Variants in GNAI1 observed in about 807,000 individuals in gnomAD.
GNAI1 encodes the protein guanine nucleotide-binding protein G(i) subunit alpha-1.
A neutral mutation model predicts 38.9 loss-of-function variants in GNAI1; 11 were observed. The observed-to-expected ratio is 0.28, with a 90% CI of 0.18 to 0.47. GNAI1 has a LOEUF of 0.47. Among genes scored for constraint, GNAI1 ranks in the 20% least tolerant of loss-of-function variants. The pLI, the probability that GNAI1 is intolerant of heterozygous loss-of-function variation, is 0.99. For synonymous variants in GNAI1, 166 were observed against 145.1 expected (o/e 1.14, Z -1.04); for missense variants, 317 against 436.9 (o/e 0.73, Z 2.45).
At chr7:80,156,251 C>T (rs910319832) in intron 1 of GNAI1, among the ~76,000 whole-genome samples, 1 of 151,978 alleles carries the variant, frequency 6.6e-6, no homozygotes, top group African/African-American at 2.4e-5. Flanking sequence ...GTATGCTTAT[C>T]ATGTACCATT....
At chr7:80,210,513 T>C (rs1788854123) in intron 5 of GNAI1, among the ~76,000 whole-genome samples, 1 of 151,400 alleles carries the variant, frequency 6.6e-6, no homozygotes. Flanking sequence ...AAACGACATG[T>C]TTTAGTAGGA....
intron 1 of GNAI1, chr7:80,136,105 T>C (rs1478263263): frequency 1.1e-6 from 1 of 919,876 alleles, no homozygotes; most frequent in East Asian, 1.2e-4. Context: ...TTCTTAGCAC[T>C]GTTCTGTTCG....
At position 80,221,738 on chromosome 7, in the gene GNAI1, G is replaced by C. The variant is rs1367028946; in HGVS notation, c.*4245G>C. Among the ~76,000 whole-genome samples the C allele has an allele frequency of 6.9e-6, 1 of 145,468 alleles. No individual in the cohort carries two copies. The highest frequency in any genetic ancestry group is 1.5e-5 in the Non-Finnish European group (1 of 67,290). Reference sequence around the variant, plus strand: ...ACTCTCTGCAACCTCCAACTCCATGGTTCAAGCAATTGTCCTGCCTCAGCC... The same window carrying C: ...ACTCTCTGCAACCTCCAACTCCATGCTTCAAGCAATTGTCCTGCCTCAGCC... On this transcript the variant is annotated 3_prime_UTR_variant, in exon 8 of 8. Transcript: ENST00000649796.
At position 80,221,831 on chromosome 7, in the gene GNAI1, G is replaced by C. The variant is rs1468722217; in HGVS notation, c.*4338G>C. On this transcript the variant is annotated 3_prime_UTR_variant, in exon 8 of 8. Coordinates refer to ENST00000649796, the MANE Select transcript of GNAI1 (RefSeq NM_002069.6). ...CTAATTTTTGTATTTTTAGTAAAGG[G>C]GGGTTTCACCATGTTGGCCAGGATG... Among the ~76,000 whole-genome samples, 1 of 151,478 alleles carries C rather than the reference G, an allele frequency of 6.6e-6. No homozygotes were observed. Among genetic ancestry groups the C allele is most frequent in the African/African-American group, 2.4e-5 (1 of 41,248 alleles).
At position 80,223,171 on chromosome 7, in the gene GNAI1, A is replaced by C. The variant is rs367591414; in HGVS notation, c.*5678A>C. The stretch of plus-strand genomic sequence containing the variant: ...ATCATACGTTGGGGACCATCTGTAC[A>C]TAGAGTAGGACTCTTGAGAGCCTAA... On this transcript the variant is annotated 3_prime_UTR_variant, in exon 8 of 8. Transcript: ENST00000649796. Among the ~76,000 whole-genome samples the C allele has an allele frequency of 1.1e-4, 16 of 152,352 alleles. No homozygotes were observed. The East Asian group carries it at 1.5e-3, about 15-fold the overall frequency.
At chr7:80,191,778 T>G (rs1443677436) in intron 3 of GNAI1, among the ~76,000 whole-genome samples, 1 of 152,220 alleles carries the variant, frequency 6.6e-6, no homozygotes, top group Non-Finnish European at 1.5e-5. Flanking sequence ...GATACTGAAT[T>G]TTGATAGGTA....
intron 1 of GNAI1, among the ~76,000 whole-genome samples, chr7:80,161,902 T>C (rs17153506): frequency 0.012 from 1,845 of 152,300 alleles, 17 homozygotes; most frequent in East Asian, 0.046. Flanking sequence ...TAGATACTTA[T>C]ACAGTGCTTA....
intron 5 of GNAI1, among the ~76,000 whole-genome samples, chr7:80,210,117 T>A (rs79460940): frequency 8.5e-4 from 129 of 152,302 alleles, no homozygotes; most frequent in African/African-American, 2.8e-3. Flanking sequence ...CCAGTTCGCA[T>A]AGTGTTTTCA....
chr7:80,184,377 T>C (rs1467307028), intron 1 of GNAI1, among the ~76,000 whole-genome samples: 1 of 152,186 alleles, frequency 6.6e-6, no homozygotes, highest in African/African-American at 2.4e-5. Context: ...CCTTCTCCCC[T>C]GATTCTTCCC....
intron 3 of GNAI1, among the ~76,000 whole-genome samples, chr7:80,189,985 A>T (rs1788453284): frequency 6.6e-6 from 1 of 151,476 alleles, no homozygotes; most frequent in Non-Finnish European, 1.5e-5. Context: ...TAATGTATTT[A>T]TTTCTAGCAG....
At chr7:80,149,970 G>A (rs1043950750) in intron 1 of GNAI1, among the ~76,000 whole-genome samples, 2 of 152,098 alleles carry the variant, frequency 1.3e-5, no homozygotes, top group East Asian at 1.9e-4. Flanking sequence ...AACAAAGTGG[G>A]ACCAAACAGC....
chr7:80,184,034 A>G (rs898541317), intron 1 of GNAI1, among the ~76,000 whole-genome samples: 16 of 151,964 alleles, frequency 1.1e-4, no homozygotes, highest in African/African-American at 3.6e-4. Context: ...GCTGTCAGAG[A>G]TGCAGTTTTT....
At chr7:80,172,019 C>T (rs1788105775) in intron 1 of GNAI1, among the ~76,000 whole-genome samples, 1 of 152,140 alleles carries the variant, frequency 6.6e-6, no homozygotes, top group Non-Finnish European at 1.5e-5. Flanking sequence ...TGAACTTGTA[C>T]ACATTTTATT....
chr7:80,200,434 A>G (rs1788665185), intron 4 of GNAI1, among the ~76,000 whole-genome samples: 1 of 151,680 alleles, frequency 6.6e-6, no homozygotes, highest in African/African-American at 2.4e-5. Context: ...ACATACTCAA[A>G]ATGTCCTATA....
At chr7:80,171,574 C>A (rs1272169294) in intron 1 of GNAI1, among the ~76,000 whole-genome samples, 1 of 152,240 alleles carries the variant, frequency 6.6e-6, no homozygotes, top group Middle Eastern at 3.4e-3. Context: ...TGGCATCTAG[C>A]GAAACTGTAT....
intron 1 of GNAI1, among the ~76,000 whole-genome samples, chr7:80,170,485 G>C (rs2523196): frequency 0.062 from 9,419 of 152,180 alleles, 390 homozygotes; most frequent in Non-Finnish European, 0.088. Context: ...TTCCTGCACT[G>C]CTATCAAGAA....
At chr7:80,159,975 C>T (rs993900805) in intron 1 of GNAI1, among the ~76,000 whole-genome samples, 2 of 152,108 alleles carry the variant, frequency 1.3e-5, no homozygotes, top group African/African-American at 4.8e-5. Context: ...GTAGCAGTAA[C>T]GTTGACCTCT....
intron 4 of GNAI1, among the ~76,000 whole-genome samples, chr7:80,201,883 A>G (rs532027354): frequency 1.8e-4 from 27 of 152,194 alleles, no homozygotes; most frequent in Non-Finnish European, 3.4e-4. Context: ...ATTAGAGGGC[A>G]TCGTGATCTA....
chr7:80,208,807 A>AGG (rs1788823440), intron 5 of GNAI1, among the ~76,000 whole-genome samples: 2 of 152,172 alleles, frequency 1.3e-5, no homozygotes, highest in African/African-American at 4.8e-5. Flanking sequence ...CTAAATATCC[A>AGG]AGTTCATTGC....
Sources: allele counts gnomAD v4.1 joint callset (sites outside exome capture counted in the v4.1 genomes callset), GRCh38; gene constraint gnomAD v4.1.1; transcripts MANE v1.5; gene names NCBI Gene and HGNC (gene_info 2026-07-23, HGNC 2026-07-21).